RBM6: variants seen among roughly 807,000 people sequenced by gnomAD.
The protein encoded by RBM6 is RNA binding motif protein 6, also known as RNA-binding protein 6.
RBM6 carries 23 observed loss-of-function variants against 140.4 expected under a neutral mutation model. The observed-to-expected ratio is 0.16, with a 90% CI of 0.12 to 0.23. RBM6 has a LOEUF of 0.23. RBM6 is among the 10% of genes least tolerant of loss of function. The pLI is 1.00. For synonymous variants in RBM6, 439 were observed against 475.6 expected, an observed-to-expected ratio of 0.92 and a Z score of 1.00; for missense variants, 1,139 against 1,386.7, an observed-to-expected ratio of 0.82 and a Z score of 2.84.
intron 19 of RBM6, among the ~76,000 whole-genome samples, chr3:50,072,417 AAAAAGAAAAG>A (rs544768392): frequency 6.6e-6 from 1 of 151,916 alleles, no homozygotes; most frequent in African/African-American, 2.4e-5. Context: ...ATCAAAAAAA[AAAAAGAAAAG>A]AAAAGAAAAG....
chr3:49,964,252 T>C (rs1454431560), intron 2 of RBM6, among the ~76,000 whole-genome samples: 1 of 152,200 alleles, frequency 6.6e-6, no homozygotes, highest in Non-Finnish European at 1.5e-5. Context: ...ATGCAACAGA[T>C]GTTCTCATTC....
At chr3:50,013,380 CAG>C (rs1198523519) in intron 6 of RBM6, among the ~76,000 whole-genome samples, 1 of 151,964 alleles carries the variant, frequency 6.6e-6, no homozygotes, top group Admixed American at 6.6e-5. Context: ...TTAAAAAAAA[CAG>C]TGAATAGGCC....
chr3:49,947,079 T>C (rs1427704025), intron 1 of RBM6, among the ~76,000 whole-genome samples: 2 of 30,548 alleles, frequency 6.5e-5, no homozygotes, highest in East Asian at 1.1e-3. Context: ...CTACTAAAAA[T>C]ACAAAAAAAA....
chr3:49,980,248 G>A (rs2085248435), intron 5 of RBM6, among the ~76,000 whole-genome samples: 1 of 151,680 alleles, frequency 6.6e-6, no homozygotes, highest in East Asian at 2.0e-4. Context: ...CAGGTGATCT[G>A]CCCACCTTGG....
chr3:49,983,825 A>T (rs1423724569), intron 5 of RBM6, among the ~76,000 whole-genome samples: 2 of 152,110 alleles, frequency 1.3e-5, no homozygotes, highest in African/African-American at 2.4e-5. Flanking sequence ...AGGAGACACT[A>T]ATAGGGCTGG....
rs879763860 is a variant in RBM6 at position 50,074,326 on chromosome 3, C to CT, written c.3117-863dup. Among the ~76,000 whole-genome samples the CT allele has an allele frequency of 2.6e-3, 377 of 143,414 alleles. 3 individuals carry two copies. The highest frequency in any genetic ancestry group is 7.3e-3 in the African/African-American group (287 of 39,248). The allele number at this position is 143,414 out of a possible 152,430, so 94.1% of individuals were successfully genotyped here. A position where few individuals can be genotyped will look rare whatever the true frequency, so the allele number is the denominator to read the frequency against. ...AGTTTTCGTTCCTTCTACTGCATTT[C>CT]TTTTTTTTTTTTGAAACAGAGTTTC... On this transcript the variant is annotated intron_variant, in intron 19 of 20. Coordinates refer to ENST00000266022, the MANE Select transcript of RBM6 (RefSeq NM_005777.3).
chr3:50,019,082 C>T (rs1310514792), intron 6 of RBM6, among the ~76,000 whole-genome samples: 1 of 151,612 alleles, frequency 6.6e-6, no homozygotes, highest in Non-Finnish European at 1.5e-5. Context: ...TTCACCCAGG[C>T]TGGAGTACAG....
chr3:49,977,339 A>G (rs2085105597), intron 5 of RBM6, among the ~76,000 whole-genome samples: 1 of 152,098 alleles, frequency 6.6e-6, no homozygotes, highest in South Asian at 2.1e-4. Flanking sequence ...CTTCAGTTTC[A>G]CGTCTCTGAG....
chr3:49,988,247 G>C (rs1313256731), intron 5 of RBM6, among the ~76,000 whole-genome samples: 1 of 151,570 alleles, frequency 6.6e-6, no homozygotes, highest in African/African-American at 2.4e-5. Context: ...TGGGCTCAAG[G>C]GATCCTCCCA....
At chr3:49,959,513 T>G (rs919200704) in intron 1 of RBM6, among the ~76,000 whole-genome samples, 4 of 151,332 alleles carry the variant, frequency 2.6e-5, no homozygotes, top group Non-Finnish European at 5.9e-5. Flanking sequence ...TTTTTCCCTA[T>G]TTTTTGAAAG....
chr3:50,022,302 G>C (rs2087533326), intron 6 of RBM6, among the ~76,000 whole-genome samples: 4 of 151,634 alleles, frequency 2.6e-5, no homozygotes, highest in Admixed American at 6.6e-5. Flanking sequence ...TGCTAGTGTA[G>C]TGAAGAAGAT....
intron 1 of RBM6, among the ~76,000 whole-genome samples, chr3:49,950,899 T>C (rs946754763): frequency 2.6e-5 from 4 of 152,186 alleles, no homozygotes; most frequent in Admixed American, 2.6e-4. Context: ...TTTGTACCCA[T>C]GTTCATAACA....
intron 1 of RBM6, among the ~76,000 whole-genome samples, chr3:49,955,063 A>C (rs1431585810): frequency 6.6e-6 from 1 of 151,738 alleles, no homozygotes; most frequent in Non-Finnish European, 1.5e-5. Flanking sequence ...CCGGCCTTGC[A>C]CATGTTTTTA....
At chr3:50,035,201 C>T (rs549768436) in intron 6 of RBM6, among the ~76,000 whole-genome samples, 2 of 152,152 alleles carry the variant, frequency 1.3e-5, no homozygotes, top group African/African-American at 4.8e-5. Context: ...GAGACCAAGG[C>T]AAGTTTTACA....
At chr3:49,962,979 A>G in intron 2 of RBM6, 1 of 215,822 alleles carries the variant, frequency 4.6e-6, no homozygotes, top group Non-Finnish European at 9.1e-6. Flanking sequence ...GGCTGCCTGT[A>G]GTCCCAGCTA....
At chr3:49,982,576 A>C (rs1391384150) in intron 5 of RBM6, among the ~76,000 whole-genome samples, 3 of 151,124 alleles carry the variant, frequency 2.0e-5, no homozygotes, top group Admixed American at 2.0e-4. Flanking sequence ...CACCACGCCC[A>C]GCTAATTTTT....
rs370447869 is a variant in RBM6, at chr3:49,968,103, A to T, written c.678A>T (p.Arg226Ser). The T allele has an allele frequency of 6.2e-7, 1 of 1,614,210 alleles. No individual in the cohort carries two copies. ...RNRDVSDLDF[R>S]DKDGTQVDFR... ...GAGATGTATCTGATTTGGACTTTAG[A>T]GACAAAGACGGAACACAAGTAGACT... Residue 226 changes from arginine (R) to serine (S), a missense_variant, in exon 3 of 21, where the codon AGA becomes AGT. Transcript: ENST00000266022.
chr3:50,019,093 T>C (rs180779707), intron 6 of RBM6, among the ~76,000 whole-genome samples: 152 of 152,048 alleles, frequency 1.0e-3, no homozygotes, highest in Non-Finnish European at 1.6e-3. Context: ...TGGAGTACAG[T>C]TGGACGATCT....
chr3:49,944,348 T>G (rs2108563815), intron 1 of RBM6, among the ~76,000 whole-genome samples: 1 of 152,326 alleles, frequency 6.6e-6, no homozygotes, highest in Middle Eastern at 3.4e-3. Context: ...TAAGGCTGAG[T>G]AATATTCCAT....
Sources: gnomAD v4.1 joint callset for allele counts (sites outside exome capture counted in the v4.1 genomes callset) on GRCh38, gnomAD v4.1.1 for gene constraint, MANE v1.5 for transcripts, NCBI Gene and HGNC (gene_info 2026-07-23, HGNC 2026-07-21) for gene names.